The following SHISA9 variants were observed in gnomAD, a reference collection of about 807,000 sequenced individuals.
SHISA9 encodes the protein protein shisa-9.
Under a neutral mutation model 38.0 loss-of-function variants are expected in SHISA9, and 13 were observed. That is an observed-to-expected ratio of 0.34 (90% CI 0.22 to 0.54). SHISA9 has a LOEUF of 0.54. Among genes scored for constraint, SHISA9 ranks in the 20% least tolerant of loss-of-function variants. The pLI, the probability that SHISA9 is intolerant of heterozygous loss-of-function variation, is 0.91. For synonymous variants in SHISA9, 275 were observed against 242.0 expected, an observed-to-expected ratio of 1.14 and a Z score of -1.27; for missense variants, 538 against 575.8, an observed-to-expected ratio of 0.93 and a Z score of 0.67.
chr16:13,145,045 G>T (rs753308211), intron 2 of SHISA9, among the ~76,000 whole-genome samples: 1 of 152,096 alleles, frequency 6.6e-6, no homozygotes, highest in Non-Finnish European at 1.5e-5. Flanking sequence ...ATGTTTCTTC[G>T]ACCCTATTGT....
intron 2 of SHISA9, among the ~76,000 whole-genome samples, chr16:12,938,635 T>A (rs1383212834): frequency 6.6e-6 from 1 of 152,044 alleles, no homozygotes; most frequent in African/African-American, 2.4e-5. Context: ...GTAGCTGGGA[T>A]TACCGGCACC....
At chr16:12,926,254 G>C (rs540704462) in intron 2 of SHISA9, among the ~76,000 whole-genome samples, 1 of 151,886 alleles carries the variant, frequency 6.6e-6, no homozygotes, top group South Asian at 2.1e-4. Flanking sequence ...TATACTGGGC[G>C]ATATACCAGA....
chr16:13,421,322 A>C, the SHISA9 span, among the ~76,000 whole-genome samples: 1 of 152,208 alleles, frequency 6.6e-6, no homozygotes, highest in African/African-American at 2.4e-5. Flanking sequence ...GAAGAAAAAG[A>C]GGTGTAATTG....
the SHISA9 span, among the ~76,000 whole-genome samples, chr16:13,474,931 G>A: frequency 2.6e-5 from 4 of 152,160 alleles, no homozygotes; most frequent in East Asian, 5.8e-4. Context: ...GTAGGTACTG[G>A]TAGGGGGACA....
the SHISA9 span, among the ~76,000 whole-genome samples, chr16:13,288,070 G>C: frequency 6.6e-6 from 1 of 152,126 alleles, no homozygotes; most frequent in Non-Finnish European, 1.5e-5. Flanking sequence ...TGTACCTCAT[G>C]TGGGAATCTG....
chr16:13,457,827 T>C, the SHISA9 span, among the ~76,000 whole-genome samples: 1,407 of 152,136 alleles, frequency 9.2e-3, 18 homozygotes, highest in African/African-American at 0.032. Flanking sequence ...GAAAATTAAA[T>C]GAATAATCAC....
At chr16:13,360,265 C>T in the SHISA9 span, among the ~76,000 whole-genome samples, 2 of 152,224 alleles carry the variant, frequency 1.3e-5, no homozygotes, top group African/African-American at 4.8e-5. Context: ...GCAGCTGATG[C>T]TCACTGACGG....
the SHISA9 span, among the ~76,000 whole-genome samples, chr16:13,507,642 G>A: frequency 6.6e-6 from 1 of 152,182 alleles, no homozygotes; most frequent in Non-Finnish European, 1.5e-5. Context: ...AAAACTCTGA[G>A]TGTGGTTGAA....
At chr16:13,347,144 T>C in the SHISA9 span, among the ~76,000 whole-genome samples, 1 of 152,330 alleles carries the variant, frequency 6.6e-6, no homozygotes, top group South Asian at 2.1e-4. Flanking sequence ...CAAGGATGCA[T>C]TTTTTATTTC....
chr16:13,098,106 C>T (rs1048936295), intron 2 of SHISA9, among the ~76,000 whole-genome samples: 2 of 152,192 alleles, frequency 1.3e-5, no homozygotes, highest in African/African-American at 4.8e-5. Flanking sequence ...GATGAAGTCA[C>T]CTGTCCCAGG....
intron 2 of SHISA9, among the ~76,000 whole-genome samples, chr16:12,976,018 TG>T (rs1306454691): frequency 6.6e-6 from 1 of 152,158 alleles, no homozygotes; most frequent in Non-Finnish European, 1.5e-5. Context: ...CTTGGCAACA[TG>T]TTGGAACCAA....
the SHISA9 span, among the ~76,000 whole-genome samples, chr16:13,496,547 C>G: frequency 0.012 from 1,821 of 151,624 alleles, 27 homozygotes; most frequent in African/African-American, 0.039. Context: ...TATGGATTTT[C>G]TAGTAAATCC....
At chr16:12,929,381 A>T (rs571634314) in intron 2 of SHISA9, among the ~76,000 whole-genome samples, 51 of 152,338 alleles carry the variant, frequency 3.3e-4, no homozygotes, top group African/African-American at 1.2e-3. Context: ...AAAGACTTGG[A>T]ATCAATCTAA....
chr16:13,167,907 G>A (rs1023038461), intron 2 of SHISA9, among the ~76,000 whole-genome samples: 14 of 152,062 alleles, frequency 9.2e-5, no homozygotes, highest in Non-Finnish European at 1.0e-4. Flanking sequence ...TTAATTCTTG[G>A]ATTTCCTGTG....
chr16:13,267,324 A>C, the SHISA9 span, among the ~76,000 whole-genome samples: 2 of 152,208 alleles, frequency 1.3e-5, no homozygotes, highest in African/African-American at 2.4e-5. Flanking sequence ...TAATCAAAGA[A>C]ATGCAAATTA....
chr16:13,210,237 C>A (rs1474757960), intron 3 of SHISA9, among the ~76,000 whole-genome samples: 1 of 152,136 alleles, frequency 6.6e-6, no homozygotes, highest in Non-Finnish European at 1.5e-5. Flanking sequence ...GTTGCCTGCA[C>A]ATTGACATTT....
chr16:13,532,548 CGTGTGTGT>C, the SHISA9 span, among the ~76,000 whole-genome samples: 7 of 80,744 alleles, frequency 8.7e-5, no homozygotes, highest in South Asian at 5.0e-4. Context: ...ATACTATGTG[CGTGTGTGT>C]ATGTGTGTGT....
chr16:13,471,901 T>A, the SHISA9 span, among the ~76,000 whole-genome samples: 1 of 152,202 alleles, frequency 6.6e-6, no homozygotes, highest in African/African-American at 2.4e-5. Context: ...AAAGAAAGAC[T>A]GACCATTGCC....
the SHISA9 span, among the ~76,000 whole-genome samples, chr16:13,321,331 C>G: frequency 6.6e-6 from 1 of 152,166 alleles, no homozygotes; most frequent in Non-Finnish European, 1.5e-5. Flanking sequence ...TGACAAATAG[C>G]ATGTCAATAA....
Sources: gnomAD v4.1 joint callset for allele counts (sites outside exome capture counted in the v4.1 genomes callset) on GRCh38, gnomAD v4.1.1 for gene constraint, MANE v1.5 for transcripts, NCBI Gene and HGNC (gene_info 2026-07-23, HGNC 2026-07-21) for gene names.